The following MASP1 variants were observed in gnomAD, a reference collection of about 807,000 sequenced individuals.
MASP1 encodes mannan-binding lectin serine protease 1.
Under a neutral mutation model 77.1 loss-of-function variants are expected in MASP1, and 59 were observed. That is an observed-to-expected ratio of 0.77 (90% confidence interval 0.62 to 0.95). The LOEUF is 0.95. MASP1 is among the 40% of genes least tolerant of loss of function. The probability of loss-of-function intolerance (pLI) is 0.00; values close to 1 mark genes in which losing one functional copy is unlikely to be tolerated. For missense variants in MASP1, 885 were observed against 912.9 expected (o/e 0.97, Z 0.39); for synonymous variants, 362 against 354.5 (o/e 1.02, Z -0.24).
intron 2 of MASP1, among the ~76,000 whole-genome samples, chr3:187,281,355 C>T (rs1717393990): frequency 6.6e-6 from 1 of 152,188 alleles, no homozygotes; most frequent in African/African-American, 2.4e-5. Flanking sequence ...GGAAGGGCAG[C>T]TTGCGGGGTT....
At chr3:187,246,499 T>C in intron 8 of MASP1, 1 of 985,454 alleles carries the variant, frequency 1.0e-6, no homozygotes, top group Non-Finnish European at 1.2e-6. Flanking sequence ...AGCCATTTAA[T>C]CACCAAATAG....
exon 16 of MASP1, chr3:187,219,927 G>C (rs1406858797): frequency 2.5e-6 from 2 of 798,418 alleles, no homozygotes; most frequent in East Asian, 2.7e-5. Context: ...AGGGGGTGAA[G>C]ATACCTGCTC....
At position 187,259,315 on chromosome 3, in the gene MASP1, G is replaced by A. The variant is rs78159016; in HGVS notation, c.547+1426C>T. On this transcript the variant is annotated intron_variant, in intron 4 of 10. Transcript: ENST00000296280. Reference sequence around the variant, plus strand: ...GCTGCAGGACAAGGTGAAGATGGAAGTCTCCTGAGTTCCTGACTGTTTTCA... The same window carrying A: ...GCTGCAGGACAAGGTGAAGATGGAAATCTCCTGAGTTCCTGACTGTTTTCA... Among the ~76,000 whole-genome samples the A allele has an allele frequency of 4.2e-3, 641 of 152,266 alleles. 3 individuals carry two copies. Among genetic ancestry groups the A allele is most frequent in the African/African-American group, 0.014 (601 of 41,538 alleles).
chr3:187,271,929 A>G (rs1716560151), intron 2 of MASP1, among the ~76,000 whole-genome samples: 1 of 152,246 alleles, frequency 6.6e-6, no homozygotes, highest in African/African-American at 2.4e-5. Flanking sequence ...AGAGTTGAAA[A>G]AGAGATCTTT....
At chr3:187,228,361 T>C (rs1712560591) in intron 11 of MASP1, among the ~76,000 whole-genome samples, 1 of 152,048 alleles carries the variant, frequency 6.6e-6, no homozygotes, top group South Asian at 2.1e-4. Context: ...TCCATCTCTC[T>C]TACTTGCCCT....
At chr3:187,288,701 T>C (rs1169909012) in intron 1 of MASP1, among the ~76,000 whole-genome samples, 2 of 152,202 alleles carry the variant, frequency 1.3e-5, no homozygotes, top group Non-Finnish European at 2.9e-5. Context: ...ACCCAAATTA[T>C]GCAAGGCCGA....
chr3:187,282,734 G>T (rs1211580254), intron 2 of MASP1, among the ~76,000 whole-genome samples: 1 of 152,170 alleles, frequency 6.6e-6, no homozygotes, highest in Non-Finnish European at 1.5e-5. Flanking sequence ...AGGCCTGCTG[G>T]TGCCCCACGG....
intron 14 of MASP1, among the ~76,000 whole-genome samples, chr3:187,222,920 G>A (rs1712151383): frequency 6.6e-6 from 1 of 152,136 alleles, no homozygotes; most frequent in South Asian, 2.1e-4. Context: ...CGTGTTTAGA[G>A]GCTAGAGTCC....
rs1455228459 is a variant in MASP1 at position 187,235,374 on chromosome 3, T to C, written c.*310A>G. Reference sequence around the variant, plus strand: ...ATAAAGGCCACTGGGGTAAGAAGCATGGCCTGGAAAGGAGTGCTGGGATTG... The same window carrying C: ...ATAAAGGCCACTGGGGTAAGAAGCACGGCCTGGAAAGGAGTGCTGGGATTG... On this transcript the variant is annotated 3_prime_UTR_variant, in exon 11 of 11. Transcript: ENST00000296280. 2.8e-6 allele frequency: 4 copies of C among 1,433,238 alleles called. No homozygotes were observed. Among genetic ancestry groups the C allele is most frequent in the Non-Finnish European group, 3.7e-6 (4 of 1,082,766 alleles). The allele number at this position is 1,433,238 out of a possible 1,614,324, so 88.8% of individuals were successfully genotyped here.
chr3:187,224,568 G>C (rs1295664576), intron 13 of MASP1, among the ~76,000 whole-genome samples: 1 of 151,780 alleles, frequency 6.6e-6, no homozygotes, highest in South Asian at 2.1e-4. Context: ...GGATGGTCTC[G>C]ATCTCCTGAC....
chr3:187,266,321 C>T (rs749164502), intron 2 of MASP1, among the ~76,000 whole-genome samples: 9 of 152,086 alleles, frequency 5.9e-5, no homozygotes, highest in East Asian at 5.8e-4. Context: ...ATTTGTTATA[C>T]GAGCTCAATA....
chr3:187,245,420 G>A (rs530858590), intron 8 of MASP1, among the ~76,000 whole-genome samples: 11 of 152,208 alleles, frequency 7.2e-5, no homozygotes, highest in Non-Finnish European at 1.5e-4. Flanking sequence ...TGATGCTGGC[G>A]GATAGATATT....
intron 1 of MASP1, among the ~76,000 whole-genome samples, chr3:187,290,757 C>T (rs1027224265): frequency 2.2e-5 from 3 of 136,154 alleles, no homozygotes; most frequent in Non-Finnish European, 3.1e-5. Flanking sequence ...GGGACTTACA[C>T]ATCTGCAGAG....
chr3:187,247,030 G>A, intron 8 of MASP1: 3 of 1,304,912 alleles, frequency 2.3e-6, no homozygotes, highest in Non-Finnish European at 2.9e-6. Flanking sequence ...AGGACCAAGG[G>A]CATTTTTTTT....
intron 15 of MASP1, chr3:187,220,969 C>A: frequency 7.2e-7 from 1 of 1,384,684 alleles, no homozygotes; most frequent in South Asian, 1.2e-5. Flanking sequence ...CTCTGTGCTC[C>A]CTTGCTGGCT....
intron 14 of MASP1, chr3:187,223,074 G>C (rs900352670): frequency 1.4e-6 from 2 of 1,455,562 alleles, no homozygotes; most frequent in South Asian, 1.1e-5. Context: ...GAGCAGGAAG[G>C]CCCAGTGCAG....
intron 2 of MASP1, among the ~76,000 whole-genome samples, chr3:187,264,611 T>C (rs192456490): frequency 3.9e-4 from 59 of 152,316 alleles, no homozygotes; most frequent in Non-Finnish European, 7.6e-4. Context: ...TTGGGGATAT[T>C]GAGTTGTGTA....
At chr3:187,220,492 CTTTCTT>C (rs1331183019) in intron 15 of MASP1, among the ~76,000 whole-genome samples, 10 of 134,564 alleles carry the variant, frequency 7.4e-5, no homozygotes, top group Non-Finnish European at 1.4e-4. Flanking sequence ...TTTCTTTTTT[CTTTCTT>C]TTTTTTTTTT....
chr3:187,223,494 C>T (rs1475285602), intron 13 of MASP1, among the ~76,000 whole-genome samples: 1 of 152,200 alleles, frequency 6.6e-6, no homozygotes, highest in Non-Finnish European at 1.5e-5. Flanking sequence ...CATTCTTGGT[C>T]ACTGCTATAT....
Sources: allele counts gnomAD v4.1 joint callset (sites outside exome capture counted in the v4.1 genomes callset), GRCh38; gene constraint gnomAD v4.1.1; transcripts MANE v1.5; gene names NCBI Gene and HGNC (gene_info 2026-07-23, HGNC 2026-07-21).